Variants in ZAP70 observed in about 807,000 individuals in gnomAD.
ZAP70 encodes tyrosine-protein kinase ZAP-70.
Under a neutral mutation model 65.8 loss-of-function variants are expected in ZAP70, and 27 were observed. The observed-to-expected ratio is 0.41, with a 90% CI of 0.30 to 0.57. The LOEUF (loss-of-function observed/expected upper bound fraction) is 0.57. ZAP70 is among the 20% of genes least tolerant of loss of function. The pLI, the probability that ZAP70 is intolerant of heterozygous loss-of-function variation, is 0.28. For missense variants in ZAP70, 696 were observed against 870.5 expected, an observed-to-expected ratio of 0.80 and a Z score of 2.52; for synonymous variants, 363 against 360.8, an observed-to-expected ratio of 1.01 and a Z score of -0.07.
At position 97,735,298 on chromosome 2, in the gene ZAP70, G is replaced by A; in HGVS notation, c.1131G>A (p.Lys377=). ...AGGTGCTGAAGCAGGGCACGGAGAA[G>A]GCAGACACGGAAGAGATGATGCGCG... ...AIKVLKQGTE[K]ADTEEMMREA... Residue 377 remains lysine, a synonymous_variant, in exon 10 of 14, where the codon AAG becomes AAA. Transcript: ENST00000264972. The A allele has an allele frequency of 6.2e-7, 1 of 1,614,124 alleles. No homozygotes were observed. Among genetic ancestry groups the A allele is most frequent in the Non-Finnish European group, 8.5e-7 (1 of 1,179,982 alleles).
Position 97,734,423 on chromosome 2 carries a change from G to C in ZAP70, c.890-97G>C, listed in dbSNP as rs568821265. 655 of 1,481,602 alleles carry C rather than the reference G, an allele frequency of 4.4e-4. 5 individuals are homozygous for C. The highest frequency in any genetic ancestry group is 2.1e-3 in the East Asian group (85 of 40,478). The allele number at this position is 1,481,602 out of a possible 1,614,324, so 91.8% of individuals were successfully genotyped here. On this transcript the variant is annotated intron_variant, in intron 8 of 13. Coordinates refer to ENST00000264972, the MANE Select transcript of ZAP70 (RefSeq NM_001079.4). ...CCTGCTTGTGCATGCTCCAGGGACG[G>C]CACCCTTGTCTGGGGCAGGTGCTTG... is the stretch of plus-strand genomic sequence containing the variant.
In ZAP70 at chr2:97,735,470, G is replaced by A. The variant is rs1336998840; in HGVS notation, c.1289+14G>A. 2 of 1,603,664 alleles carry A rather than the reference G, an allele frequency of 1.2e-6. No individual in the cohort carries two copies. Among genetic ancestry groups the A allele is most frequent in the Non-Finnish European group, 1.7e-6 (2 of 1,173,294 alleles). ...GGTCGGCAAGAGGTGAGCACCGGGT[G>A]GGCCCGGCCATCGGGTGGGTGGGGC... On this transcript the variant is annotated intron_variant, in intron 10 of 13. Coordinates refer to ENST00000264972, the MANE Select transcript of ZAP70 (RefSeq NM_001079.4).
chr2:97,738,331 C>T, intron 13 of ZAP70: 1 of 596,318 alleles, frequency 1.7e-6, no homozygotes, highest in Admixed American at 2.7e-5. Context: ...CACCTGTGGG[C>T]CTGTGCCTCA....
At chr2:97,727,002 A>C (rs1677413954) in intron 4 of ZAP70, among the ~76,000 whole-genome samples, 2 of 152,232 alleles carry the variant, frequency 1.3e-5, no homozygotes, top group Non-Finnish European at 2.9e-5. Context: ...CCACACTCAC[A>C]TGACTGGCCA....
downstream of ZAP70, among the ~76,000 whole-genome samples, chr2:97,743,428 C>T (rs563969980): frequency 9.8e-5 from 15 of 152,308 alleles, no homozygotes; most frequent in South Asian, 2.1e-4. Context: ...CTCCACGTTC[C>T]GGGTTCAAGC....
the ZAP70 span, among the ~76,000 whole-genome samples, chr2:97,749,041 G>T: frequency 7.6e-6 from 1 of 131,044 alleles, no homozygotes; most frequent in Non-Finnish European, 1.5e-5. Context: ...ACGGAGTCTC[G>T]CTCTGTCGCC....
rs1233816703 is a variant in ZAP70, at chr2:97,723,969, G to A, written c.-21-47G>A. The A allele has an allele frequency of 2.0e-6, 3 of 1,530,874 alleles. No homozygotes were observed. The East Asian group carries it at 7.3e-5, about 37-fold the overall frequency. The allele number at this position is 1,530,874 out of a possible 1,614,324, so 94.8% of individuals were successfully genotyped here. On this transcript the variant is annotated intron_variant, in intron 2 of 13. Transcript: ENST00000264972. ...CGCCGTCTTTGGGCCCAACGCACCA[G>A]GTTCAGGAAGGCCCTGACGTGCCTC...
intron 13 of ZAP70, 148 bp from the exon 14 acceptor site, chr2:97,739,226 AC>A: frequency 1.6e-6 from 2 of 1,271,522 alleles, no homozygotes; most frequent in Non-Finnish European, 2.2e-6. Context: ...AGTCCTCTCC[AC>A]CACCCAATGT....
Position 97,731,205 on chromosome 2 carries a change from G to A in ZAP70, c.564-1678G>A, listed in dbSNP as rs144539738. On this transcript the variant is annotated intron_variant, in intron 4 of 13. Coordinates refer to ENST00000264972, the MANE Select transcript of ZAP70 (RefSeq NM_001079.4). The surrounding 1 kb of genome is among the most constrained non-coding windows in gnomAD (Gnocchi z 4.0). ...GTTTTCACTTCTCACAGTCCCTGGA[G>A]ACCATCACCTCCAGGCCAGCCTGCC... is the stretch of plus-strand genomic sequence containing the variant. Among the ~76,000 whole-genome samples the A allele has an allele frequency of 5.2e-4, 79 of 152,210 alleles. 2 individuals are homozygous for A. Among genetic ancestry groups the A allele is most frequent in the South Asian group, 2.1e-3 (10 of 4,824 alleles).
chr2:97,726,981 G>A (rs566754217), intron 4 of ZAP70, among the ~76,000 whole-genome samples: 1 of 152,358 alleles, frequency 6.6e-6, no homozygotes, highest in South Asian at 2.1e-4. Flanking sequence ...GGCCTGAATA[G>A]GCTGGGATGG....
rs1676808002 is a variant in ZAP70 at position 97,713,900 on chromosome 2, C to G, written c.-100-16C>G. On this transcript the variant is annotated splice_polypyrimidine_tract_variant and intron_variant, in intron 1 of 13. Coordinates refer to ENST00000264972, the MANE Select transcript of ZAP70 (RefSeq NM_001079.4). ...GAAATCCAAACCGGCTTTGTAAGCC[C>G]CGATTCCTCACCCAGAACCGGCTCT... The G allele has an allele frequency of 6.6e-6, 1 of 152,502 alleles. No individual in the cohort carries two copies. The highest frequency in any genetic ancestry group is 1.5e-5 in the Non-Finnish European group (1 of 68,300). The allele number at this position is 152,502 out of a possible 1,614,324, so 9.4% of individuals were successfully genotyped here.
At chr2:97,755,831 G>A in the ZAP70 span, among the ~76,000 whole-genome samples, 3 of 152,190 alleles carry the variant, frequency 2.0e-5, no homozygotes, top group Non-Finnish European at 4.4e-5. Flanking sequence ...GCCAGTGTTA[G>A]AACATGCAGT....
chr2:97,714,956 G>A (rs1424455156), intron 2 of ZAP70, among the ~76,000 whole-genome samples: 2 of 152,146 alleles, frequency 1.3e-5, no homozygotes, highest in Non-Finnish European at 2.9e-5. Context: ...TGTGTGACTG[G>A]ACCAGTCACC....
intron 2 of ZAP70, among the ~76,000 whole-genome samples, chr2:97,721,582 T>A (rs962843778): frequency 5.8e-4 from 61 of 105,386 alleles, no homozygotes; most frequent in African/African-American, 2.2e-3. Flanking sequence ...GCTGGCTGAT[T>A]TTTTTTTTTT....
intron 4 of ZAP70, among the ~76,000 whole-genome samples, chr2:97,727,189 G>A (rs1222474107): frequency 6.6e-6 from 1 of 152,274 alleles, no homozygotes; most frequent in Non-Finnish European, 1.5e-5. Context: ...AATGGACAAA[G>A]CAAGTCATAC....
chr2:97,740,643 T>C (rs1035401334), downstream of ZAP70, among the ~76,000 whole-genome samples: 3 of 152,114 alleles, frequency 2.0e-5, no homozygotes, highest in Non-Finnish European at 4.4e-5. Context: ...AGATGTCCGC[T>C]GAGGAACCAA....
At chr2:97,739,299 AG>A in intron 13 of ZAP70, 75 bp from the exon 14 acceptor site, 1 of 1,591,836 alleles carries the variant, frequency 6.3e-7, no homozygotes, top group Non-Finnish European at 8.6e-7. Context: ...AGCCAAGCAC[AG>A]TGCATGCCCA....
At chr2:97,723,099 C>T (rs1332511159) in intron 2 of ZAP70, among the ~76,000 whole-genome samples, 2 of 152,230 alleles carry the variant, frequency 1.3e-5, no homozygotes, top group African/African-American at 4.8e-5. Context: ...ATCTGCCTTA[C>T]CAGATATCCA....
chr2:97,716,735 A>G (rs910985195), intron 2 of ZAP70, among the ~76,000 whole-genome samples: 1 of 152,144 alleles, frequency 6.6e-6, no homozygotes, highest in Admixed American at 6.5e-5. Context: ...GGTGATGGGC[A>G]TCATGAAGGG....
Sources: allele counts gnomAD v4.1 joint callset (sites outside exome capture counted in the v4.1 genomes callset), GRCh38; gene constraint gnomAD v4.1.1; non-coding constraint Gnocchi (gnomAD v3.1); transcripts MANE v1.5; gene names NCBI Gene and HGNC (gene_info 2026-07-23, HGNC 2026-07-21).